INSR: variants seen among roughly 807,000 people sequenced by gnomAD.
INSR encodes the protein IR.
INSR carries 67 observed loss-of-function variants against 142.6 expected under a neutral mutation model. That is an observed-to-expected ratio of 0.47 (90% CI 0.39 to 0.58). The LOEUF (loss-of-function observed/expected upper bound fraction) is 0.58, where lower values mean the gene tolerates loss of function less well. Ranked by LOEUF, INSR falls within the 20% of genes least tolerant of loss-of-function variation. The probability of loss-of-function intolerance (pLI) is 0.00; values close to 1 mark genes in which losing one functional copy is unlikely to be tolerated. For synonymous variants in INSR, 756 were observed against 743.1 expected, an observed-to-expected ratio of 1.02 and a Z score of -0.28; for missense variants, 1,248 against 1,833.2, an observed-to-expected ratio of 0.68 and a Z score of 5.83.
chr19:7,293,390 G>C (rs569125554), intron 1 of INSR, among the ~76,000 whole-genome samples: 74 of 152,282 alleles, frequency 4.9e-4, no homozygotes, highest in African/African-American at 1.7e-3. Flanking sequence ...TGCGCTCGGG[G>C]GACTTGGCTG....
chr19:7,197,091 A>C (rs1171879121), intron 2 of INSR, among the ~76,000 whole-genome samples: 3 of 152,188 alleles, frequency 2.0e-5, no homozygotes, highest in Non-Finnish European at 4.4e-5. Flanking sequence ...AAGGAGGTGA[A>C]CTTTTGACAG....
chr19:7,200,501 G>C (rs138452213), intron 2 of INSR, among the ~76,000 whole-genome samples: 259 of 152,050 alleles, frequency 1.7e-3, no homozygotes, highest in African/African-American at 5.8e-3. Flanking sequence ...ACCAGCCTGG[G>C]CAACAGAGCA....
At chr19:7,209,566 C>T (rs1438429443) in intron 2 of INSR, among the ~76,000 whole-genome samples, 1 of 133,242 alleles carries the variant, frequency 7.5e-6, no homozygotes, top group Non-Finnish European at 1.6e-5. Flanking sequence ...TATAGGCACA[C>T]ACCACCATGC....
chr19:7,207,887 A>AGAAGGAAGGAAGGAAAG lies in INSR; in HGVS notation c.653-23267_653-23251dup, dbSNP rs1444464242. On this transcript the variant is annotated intron_variant, in intron 2 of 21. Transcript: ENST00000302850. ...GGGTGATAGAGTGAGACCTTGTTTGAGAAGGAAGGAAGGAAAGGAAGGAAG... is the reference window on the plus strand; with the variant it reads ...GGGTGATAGAGTGAGACCTTGTTTGAGAAGGAAGGAAGGAAAGGAAGGAAGGAAGGAAAGGAAGGAAG... Among the ~76,000 whole-genome samples the AGAAGGAAGGAAGGAAAG allele has an allele frequency of 2.8e-4, 23 of 82,622 alleles. 1 individual carries two copies. Among genetic ancestry groups the AGAAGGAAGGAAGGAAAG allele is most frequent in the African/African-American group, 7.9e-4 (20 of 25,396 alleles). The allele number at this position is 82,622 out of a possible 152,430, so 54.2% of individuals were successfully genotyped here. A position where few individuals can be genotyped will look rare whatever the true frequency, so the allele number is the denominator to read the frequency against.
chr19:7,162,929 C>T, intron 9 of INSR, 103 bp downstream of exon 9: 1 of 1,099,900 alleles, frequency 9.1e-7, no homozygotes, highest in Non-Finnish European at 1.4e-6. Flanking sequence ...CCTTCCGACA[C>T]TGAGACACAG....
intron 13 of INSR, among the ~76,000 whole-genome samples, chr19:7,132,661 G>A (rs747770865): frequency 1.9e-4 from 28 of 150,600 alleles, no homozygotes; most frequent in African/African-American, 6.3e-4. Flanking sequence ...GCTTAATCTC[G>A]GCTCACTGCA....
chr19:7,216,554 C>A lies in INSR; in HGVS notation c.653-31917G>T, dbSNP rs751638801. On this transcript the variant is annotated intron_variant, in intron 2 of 21. Transcript: ENST00000302850. The surrounding 1 kb of genome is among the most constrained non-coding windows in gnomAD (Gnocchi z 4.2). ...GCTCTGGGTTCGAAAATGCAGGCCCCTTGTATCCAGGGGGTCTGGGAAGGA... is the reference window on the plus strand; with the variant it reads ...GCTCTGGGTTCGAAAATGCAGGCCCATTGTATCCAGGGGGTCTGGGAAGGA... Among the ~76,000 whole-genome samples, 1 of 152,158 alleles carries A rather than the reference C, an allele frequency of 6.6e-6. No individual in the cohort carries two copies. The highest frequency in any genetic ancestry group is 1.5e-5 in the Non-Finnish European group (1 of 68,030).
At chr19:7,154,205 T>C (rs1325169494) in intron 9 of INSR, among the ~76,000 whole-genome samples, 1 of 151,792 alleles carries the variant, frequency 6.6e-6, no homozygotes, top group Non-Finnish European at 1.5e-5. Flanking sequence ...ATCTAGAGTG[T>C]CATCTGAGAA....
At position 7,253,641 on chromosome 19, in the gene INSR, G is replaced by T. The variant is rs143022003; in HGVS notation, c.652+13704C>A. On this transcript the variant is annotated intron_variant, in intron 2 of 21. Coordinates refer to ENST00000302850, the MANE Select transcript of INSR (RefSeq NM_000208.4). Reference sequence around the variant, plus strand: ...GGCCCAATCTGCAGCCACTCCTCGGGCCCCAGGATGATAGGTAACCAGGGA... The same window carrying T: ...GGCCCAATCTGCAGCCACTCCTCGGTCCCCAGGATGATAGGTAACCAGGGA... Among the ~76,000 whole-genome samples, 1,091 of 152,250 alleles carry T rather than the reference G, an allele frequency of 7.2e-3. 18 individuals are homozygous for T. Among genetic ancestry groups the T allele is most frequent in the African/African-American group, 0.025 (1,040 of 41,550 alleles).
intron 1 of INSR, among the ~76,000 whole-genome samples, chr19:7,282,082 C>T (rs1403369814): frequency 6.6e-6 from 1 of 152,042 alleles, no homozygotes; most frequent in Non-Finnish European, 1.5e-5. Flanking sequence ...CCCCGCGAGC[C>T]GGCGGGGCAC....
chr19:7,278,370 G>A (rs1019566276), intron 1 of INSR, among the ~76,000 whole-genome samples: 5 of 152,200 alleles, frequency 3.3e-5, no homozygotes, highest in Non-Finnish European at 5.9e-5. Flanking sequence ...GGAAGTCAGT[G>A]AAAGCCCTGG....
intron 2 of INSR, among the ~76,000 whole-genome samples, chr19:7,253,039 C>T (rs1016160035): frequency 2.7e-5 from 4 of 150,426 alleles, no homozygotes; most frequent in African/African-American, 9.8e-5. Flanking sequence ...CCCTTGAACC[C>T]GGGAGGCGGA....
intron 12 of INSR, among the ~76,000 whole-genome samples, chr19:7,142,572 G>A (rs1973097015): frequency 6.6e-6 from 1 of 151,568 alleles, no homozygotes; most frequent in South Asian, 2.1e-4. Flanking sequence ...GCAGACACCT[G>A]TAGTCCCAGC....
intron 2 of INSR, among the ~76,000 whole-genome samples, chr19:7,256,887 G>A (rs1234037195): frequency 1.3e-5 from 2 of 148,558 alleles, no homozygotes; most frequent in East Asian, 4.0e-4. Flanking sequence ...AGACGAATGA[G>A]AGATTCAAGT....
chr19:7,247,134 A>G (rs1401610968), intron 2 of INSR, among the ~76,000 whole-genome samples: 1 of 152,232 alleles, frequency 6.6e-6, no homozygotes, highest in East Asian at 1.9e-4. Flanking sequence ...AGTGAATCCA[A>G]ATAGATTCCC....
intron 1 of INSR, among the ~76,000 whole-genome samples, chr19:7,290,090 AG>A (rs1369831369): frequency 1.3e-5 from 2 of 152,210 alleles, no homozygotes; most frequent in African/African-American, 4.8e-5. Context: ...GCAGGTCTCC[AG>A]GAGAGAAGCA....
intron 2 of INSR, among the ~76,000 whole-genome samples, chr19:7,193,381 G>A (rs12608462): frequency 0.35 from 52,964 of 151,622 alleles, 9,765 homozygotes; most frequent in East Asian, 0.45. Flanking sequence ...GCATGGTGTC[G>A]CGCACCTGTA....
chr19:7,153,047 A>AC lies in INSR; in HGVS notation c.2030-121dup, dbSNP rs1465605398. The AC allele has an allele frequency of 1.2e-4, 41 of 345,592 alleles. 1 individual carries two copies. Among genetic ancestry groups the AC allele is most frequent in the Admixed American group, 3.3e-4 (4 of 12,248 alleles). 21.4% of individuals were successfully genotyped at this position (345,592 alleles called of 1,614,324 possible). A position where few individuals can be genotyped will look rare whatever the true frequency, so the allele number is the denominator to read the frequency against. ...CACACCACACACACACACACCACAC[A>AC]CCCCCCCACACACACACACCACACA... On this transcript the variant is annotated intron_variant, in intron 9 of 21. Transcript: ENST00000302850.
chr19:7,125,403 GAT>G lies in INSR; in HGVS notation c.3136_3137del (p.Ile1046GlnfsTer3). ...MVYEGNARDI[I>X]KGEAETRVAV... ...CCACGCGGGTCTCTGCCTCACCCTT[GAT>G]GATGTCCCTGGCATTGCCCTCATAC... On this transcript the variant is annotated frameshift_variant, in exon 17 of 22. Transcript: ENST00000302850. LOFTEE classifies it high-confidence loss of function. This position sits in a 1 kb window ranked among gnomAD's most constrained non-coding sequence, Gnocchi z 4.9. The G allele has an allele frequency of 6.2e-7, 1 of 1,614,148 alleles. No individual in the cohort carries two copies. Among genetic ancestry groups the G allele is most frequent in the Non-Finnish European group, 8.5e-7 (1 of 1,180,026 alleles).
Sources: allele counts gnomAD v4.1 joint callset (sites outside exome capture counted in the v4.1 genomes callset), GRCh38; gene constraint gnomAD v4.1.1; non-coding constraint Gnocchi (gnomAD v3.1); transcripts MANE v1.5; gene names NCBI Gene and HGNC (gene_info 2026-07-23, HGNC 2026-07-21).